RRP8: variants seen among roughly 807,000 people sequenced by gnomAD.
RRP8 encodes the protein ribosomal RNA-processing protein 8.
A neutral mutation model predicts 45.0 loss-of-function variants in RRP8; 48 were observed. The observed-to-expected ratio is 1.07, with a 90% CI of 0.85 to 1.36. The LOEUF is 1.36. Among genes scored for constraint, RRP8 ranks in the 40% most tolerant of loss-of-function variants. RRP8 has a pLI of 0.00. For missense variants in RRP8, 658 were observed against 573.7 expected (o/e 1.15, Z -1.50); for synonymous variants, 274 against 212.4 (o/e 1.29, Z -2.52).
rs1010133061 is a variant in RRP8 at position 6,595,782 on chromosome 11, C to T, written c.*4364G>A. On this transcript the variant is annotated 3_prime_UTR_variant, in exon 7 of 7. Coordinates refer to ENST00000254605, the MANE Select transcript of RRP8 (RefSeq NM_015324.4). ...GGTCAAGAGTAAGGTGGACAGGATA[C>T]CATAGAAGATATATCCAGTGTATAT... The T allele has an allele frequency of 6.6e-6, 1 of 152,136 alleles. No individual in the cohort carries two copies. The highest frequency in any genetic ancestry group is 2.4e-5 in the African/African-American group (1 of 41,400). The allele number at this position is 152,136 out of a possible 1,614,324, so 9.4% of individuals were successfully genotyped here.
rs1854485487 is a variant in RRP8 at position 6,603,142 on chromosome 11, C to CT, written c.99+261dup. Among the ~76,000 whole-genome samples, 12 of 152,344 alleles carry CT rather than the reference C, an allele frequency of 7.9e-5. No individual in the cohort carries two copies. In the South Asian group the frequency reaches 2.5e-3, roughly 32 times the overall value. On this transcript the variant is annotated intron_variant, in intron 1 of 6. Transcript: ENST00000254605. ...ACAAGGACCACTTGTGTTTGTGACTCTGACAGAACATGCTCTCTTGTCCCA... is the reference window on the plus strand; with the variant it reads ...ACAAGGACCACTTGTGTTTGTGACTCTTGACAGAACATGCTCTCTTGTCCCA...
chr11:6,596,372 T>G lies in RRP8; in HGVS notation c.*3774A>C, dbSNP rs899676380. On this transcript the variant is annotated 3_prime_UTR_variant, in exon 7 of 7. Coordinates refer to ENST00000254605, the MANE Select transcript of RRP8 (RefSeq NM_015324.4). The stretch of plus-strand genomic sequence containing the variant: ...GTTTTGTGAAAGGGGAGGAGTGGGT[T>G]AAGATGCAGATGGTGATGGTGACGG... 1 of 152,272 alleles carries G rather than the reference T, an allele frequency of 6.6e-6. No homozygotes were observed. The highest frequency in any genetic ancestry group is 1.9e-4 in the East Asian group (1 of 5,194). The allele number at this position is 152,272 out of a possible 1,614,324, so 9.4% of individuals were successfully genotyped here. A position where few individuals can be genotyped will look rare whatever the true frequency, so the allele number is the denominator to read the frequency against.
At position 6,600,649 on chromosome 11, in the gene RRP8, T is replaced by C; in HGVS notation, c.1154+20A>G. 3 of 1,607,662 alleles carry C rather than the reference T, an allele frequency of 1.9e-6. No individual in the cohort carries two copies. Among genetic ancestry groups the C allele is most frequent in the Non-Finnish European group, 2.6e-6 (3 of 1,174,022 alleles). ...GCATGCACACATACATACATGCATC[T>C]GTGTCCTGGGGGCTCTTACCCTGGC... is the stretch of plus-strand genomic sequence containing the variant. On this transcript the variant is annotated intron_variant, in intron 5 of 6. Transcript: ENST00000254605.
Position 6,597,584 on chromosome 11 carries a change from T to TTAAAAA in RRP8, c.*2561_*2562insTTTTTA, listed in dbSNP as rs1439909811. ...AGCTAACAACCTGCCCATCCTCCCA[T>TTAAAAA]AAAAAAAAAAAAAAAAAAAACACTG... is the stretch of plus-strand genomic sequence containing the variant. On this transcript the variant is annotated 3_prime_UTR_variant, in exon 7 of 7. Coordinates refer to ENST00000254605, the MANE Select transcript of RRP8 (RefSeq NM_015324.4). 1 of 120,256 alleles carries TTAAAAA rather than the reference T, an allele frequency of 8.3e-6. No homozygotes were observed. Among genetic ancestry groups the TTAAAAA allele is most frequent in the African/African-American group, 3.4e-5 (1 of 29,158 alleles). 7.4% of individuals were successfully genotyped at this position (120,256 alleles called of 1,614,324 possible).
chr11:6,599,425 A>G lies in RRP8; in HGVS notation c.*721T>C, dbSNP rs1854289750. ...TTAAGTGCCTCTGGGTAGCAGGCCA[A>G]GAATTAAATCCAGGTCTACCTGATT... On this transcript the variant is annotated 3_prime_UTR_variant, in exon 7 of 7. Transcript: ENST00000254605. 1 of 152,264 alleles carries G rather than the reference A, an allele frequency of 6.6e-6. No homozygotes were observed. The highest frequency in any genetic ancestry group is 1.5e-5 in the Non-Finnish European group (1 of 68,046). The allele number at this position is 152,264 out of a possible 1,614,324, so 9.4% of individuals were successfully genotyped here.
In RRP8 at chr11:6,597,318, G is replaced by T. The variant is rs11040930; in HGVS notation, c.*2828C>A. The T allele has an allele frequency of 6.6e-6, 1 of 151,730 alleles. No individual in the cohort carries two copies. The highest frequency in any genetic ancestry group is 1.5e-5 in the Non-Finnish European group (1 of 67,944). 9.4% of individuals were successfully genotyped at this position (151,730 alleles called of 1,614,324 possible). A position where few individuals can be genotyped will look rare whatever the true frequency, so the allele number is the denominator to read the frequency against. ...GGTATTTCTATGCACTGTGGGCCTG[G>T]AAGATATTTCCTCTCCCCTATTCTC... On this transcript the variant is annotated 3_prime_UTR_variant, in exon 7 of 7. Coordinates refer to ENST00000254605, the MANE Select transcript of RRP8 (RefSeq NM_015324.4).
rs1311164409 is a variant in RRP8, at chr11:6,601,193, C to T, written c.873G>A (p.Trp291Ter). 6.2e-7 allele frequency: 1 copy of T among 1,613,676 alleles called. No homozygotes were observed. Among genetic ancestry groups the T allele is most frequent in the Non-Finnish European group, 8.5e-7 (1 of 1,179,832 alleles). The change falls in exon 3 of 7, where the codon TGG becomes TGA. Residue 291 changes from tryptophan to a stop codon, truncating the protein, a stop_gained. Coordinates refer to ENST00000254605, the MANE Select transcript of RRP8 (RefSeq NM_015324.4). LOFTEE classifies it high-confidence loss of function. ...HRGFQSQVKK[W>*]PLQPVDRIAR... ...CGATGCGGTCCACTGGCTGCAGTGG[C>T]CACTTCTTCACTTGGCTCTGGAAGC...
rs764700545 is a variant in RRP8, at chr11:6,603,438, G to A, written c.65C>T (p.Ser22Leu). 18 of 1,605,236 alleles carry A rather than the reference G, an allele frequency of 1.1e-5. No homozygotes were observed. Among genetic ancestry groups the A allele is most frequent in the Non-Finnish European group, 1.5e-5 (18 of 1,176,904 alleles). ...PVAAGLGPVISRPPPAASSQN... is the reference protein window; with the variant it reads ...PVAAGLGPVILRPPPAASSQN... ...CGAGGAGGCCGCAGGCGGAGGTCGTGAGATTACGGGCCCAAGGCCCGCGGC... is the reference window on the plus strand; with the variant it reads ...CGAGGAGGCCGCAGGCGGAGGTCGTAAGATTACGGGCCCAAGGCCCGCGGC... The change falls in exon 1 of 7, where the codon TCA (serine) becomes TTA (leucine). Residue 22 changes from serine to leucine, a missense_variant. Transcript: ENST00000254605.
Position 6,601,051 on chromosome 11 carries a change from C to G in RRP8, c.922G>C (p.Ala308Pro), listed in dbSNP as rs1026106675. 6.2e-7 allele frequency: 1 copy of G among 1,614,112 alleles called. No individual in the cohort carries two copies. The highest frequency in any genetic ancestry group is 8.5e-7 in the Non-Finnish European group (1 of 1,180,052). Residue 308 changes from alanine to proline, a missense_variant, in exon 4 of 7, where the codon GCA (alanine) becomes CCA (proline). Physicochemically the swap from Ala to Pro is conservative, Grantham distance 27. Transcript: ENST00000254605. ...RIARDLRQRP[A>P]SLVVADFGCG... ...CCGAAGTCAGCCACCACTAGGGATGCAGGCCTGAGAGTGGAAGGCAAGGGT... is the reference window on the plus strand; with the variant it reads ...CCGAAGTCAGCCACCACTAGGGATGGAGGCCTGAGAGTGGAAGGCAAGGGT...
At position 6,603,492 on chromosome 11, in the gene RRP8, T is replaced by C; in HGVS notation, c.11A>G (p.Glu4Gly). The C allele has an allele frequency of 6.3e-7, 1 of 1,589,054 alleles. No individual in the cohort carries two copies. The highest frequency in any genetic ancestry group is 1.3e-5 in the African/African-American group (1 of 74,346). MFEEPEWAEAAPVA... is the reference protein window; with the variant it reads MFEGPEWAEAAPVA... ...TGGGGCCGCCTCGGCCCACTCAGGC[T>C]CTTCGAACATGAGGGTCGGGAGGGC... The change falls in exon 1 of 7, where the codon GAG (glutamate) becomes GGG (glycine). Residue 4 changes from glutamate (E) to glycine (G), a missense_variant. Physicochemically the swap from Glu to Gly is moderately conservative, Grantham distance 98. Transcript: ENST00000254605.
rs748718944 is a variant in RRP8, at chr11:6,601,301, A to G, written c.765T>C (p.Asn255=). The G allele has an allele frequency of 6.2e-7, 1 of 1,613,570 alleles. No individual in the cohort carries two copies. The highest frequency in any genetic ancestry group is 8.5e-7 in the Non-Finnish European group (1 of 1,179,790). The change falls in exon 3 of 7, where the codon AAT becomes AAC. Residue 255 remains asparagine, a synonymous_variant. Transcript: ENST00000254605. ...RLDGARFRYL[N]EQLYSGPSSA... The stretch of plus-strand genomic sequence containing the variant: ...TGCTGGGCCCTGAGTACAACTGTTC[A>G]TTGAGGTAGCGAAATCGGGCCCCAT...
chr11:6,600,194 A>G lies in RRP8; in HGVS notation c.1323T>C (p.Ala441=). ...KTGPPLVGPK[A]QLSGLQLQPC... is the part of the protein sequence containing the mutation. ...GCTGAAGCTGCAGGCCTGAAAGCTG[A>G]GCCTTGGGCCCTACCAGAGGGGGCC... Residue 441 remains alanine, a synonymous_variant, in exon 7 of 7, where the codon GCT becomes GCC. Coordinates refer to ENST00000254605, the MANE Select transcript of RRP8 (RefSeq NM_015324.4). The G allele has an allele frequency of 6.2e-7, 1 of 1,605,198 alleles. No homozygotes were observed. The highest frequency in any genetic ancestry group is 8.5e-7 in the Non-Finnish European group (1 of 1,177,160).
rs1854354189 is a variant in RRP8 at position 6,601,346 on chromosome 11, G to A, written c.720C>T (p.Ala240=). ...CCCCATCCAGCCGCTGTGCCATGCG[G>A]GCTCGCAAAGCCCCTGCCCGAGCCT... ...SHEARAGALR[A]RMAQRLDGAR... Residue 240 remains alanine, a synonymous_variant, in exon 3 of 7, where the codon GCC becomes GCT. Coordinates refer to ENST00000254605, the MANE Select transcript of RRP8 (RefSeq NM_015324.4). The A allele has an allele frequency of 6.2e-7, 1 of 1,613,948 alleles. No homozygotes were observed. The highest frequency in any genetic ancestry group is 1.1e-5 in the South Asian group (1 of 91,070).
rs1428489103 is a variant in RRP8 at position 6,599,325 on chromosome 11, C to T, written c.*821G>A. 3 of 152,256 alleles carry T rather than the reference C, an allele frequency of 2.0e-5. No homozygotes were observed. Among genetic ancestry groups the T allele is most frequent in the South Asian group, 2.1e-4 (1 of 4,830 alleles). The allele number at this position is 152,256 out of a possible 1,614,324, so 9.4% of individuals were successfully genotyped here. The stretch of plus-strand genomic sequence containing the variant: ...TGGCTACAGATTTCTCCAGTTAACC[C>T]ACACAACCACCCTGCAAGACAAAAA... On this transcript the variant is annotated 3_prime_UTR_variant, in exon 7 of 7. Coordinates refer to ENST00000254605, the MANE Select transcript of RRP8 (RefSeq NM_015324.4).
chr11:6,600,181 G>A lies in RRP8; in HGVS notation c.1336C>T (p.Leu446=). The A allele has an allele frequency of 6.2e-7, 1 of 1,603,288 alleles. No individual in the cohort carries two copies. Among genetic ancestry groups the A allele is most frequent in the Non-Finnish European group, 8.5e-7 (1 of 1,176,576 alleles). Reference sequence around the variant, plus strand: ...TTGTAGAGACATGGCTGAAGCTGCAGGCCTGAAAGCTGAGCCTTGGGCCCT... The same window carrying A: ...TTGTAGAGACATGGCTGAAGCTGCAAGCCTGAAAGCTGAGCCTTGGGCCCT... ...LVGPKAQLSG[L]QLQPCLYKRR is the part of the protein sequence containing the mutation. Residue 446 remains leucine (L), a synonymous_variant, in exon 7 of 7, where the codon CTG becomes TTG. Coordinates refer to ENST00000254605, the MANE Select transcript of RRP8 (RefSeq NM_015324.4).
rs867248681 is a variant in RRP8, at chr11:6,596,419, G to T, written c.*3727C>A. 8 of 152,360 alleles carry T rather than the reference G, an allele frequency of 5.3e-5. No individual in the cohort carries two copies. Among genetic ancestry groups the T allele is most frequent in the African/African-American group, 1.9e-4 (8 of 41,442 alleles). 9.4% of individuals were successfully genotyped at this position (152,360 alleles called of 1,614,324 possible). On this transcript the variant is annotated 3_prime_UTR_variant, in exon 7 of 7. Transcript: ENST00000254605. ...ACGGAGGCCTGGGCAAGATCACACGGGGCCTGAAAAGTTTGTCTTTTGTTC... is the reference window on the plus strand; with the variant it reads ...ACGGAGGCCTGGGCAAGATCACACGTGGCCTGAAAAGTTTGTCTTTTGTTC...
Position 6,601,295 on chromosome 11 carries a change from C to T in RRP8, c.771G>A (p.Gln257=), listed in dbSNP as rs1589915442. Residue 257 remains glutamine (Q), a synonymous_variant, in exon 3 of 7, where the codon CAG becomes CAA. Coordinates refer to ENST00000254605, the MANE Select transcript of RRP8 (RefSeq NM_015324.4). ...DGARFRYLNE[Q]LYSGPSSAAQ... is the part of the protein sequence containing the mutation. ...CAGCACTGCTGGGCCCTGAGTACAA[C>T]TGTTCATTGAGGTAGCGAAATCGGG... 6.2e-7 allele frequency: 1 copy of T among 1,613,458 alleles called. No homozygotes were observed.
rs1854266814 is a variant in RRP8 at position 6,598,277 on chromosome 11, CT to C, written c.*1868del. On this transcript the variant is annotated 3_prime_UTR_variant, in exon 7 of 7. Coordinates refer to ENST00000254605, the MANE Select transcript of RRP8 (RefSeq NM_015324.4). ...ATGAAGTTCTCCTGTCTGCCTACTTCTTCCATCATGACTAGTCAACAGTGCC... is the reference window on the plus strand; with the variant it reads ...ATGAAGTTCTCCTGTCTGCCTACTTCTCCATCATGACTAGTCAACAGTGCC... 1 of 152,306 alleles carries C rather than the reference CT, an allele frequency of 6.6e-6. No individual in the cohort carries two copies. Among genetic ancestry groups the C allele is most frequent in the African/African-American group, 2.4e-5 (1 of 41,456 alleles). 9.4% of individuals were successfully genotyped at this position (152,306 alleles called of 1,614,324 possible).
In RRP8 at chr11:6,601,541, A is replaced by G. The variant is rs1204813943; in HGVS notation, c.525T>C (p.Thr175=). The change falls in exon 3 of 7, where the codon ACT becomes ACC. Residue 175 remains threonine (T), a synonymous_variant. Transcript: ENST00000254605. ...NDPPKQSPGS[T]SPKPPHTLSR... ...TTAATGTATGAGGGGGTTTAGGGGA[A>G]GTGGACCCAGGGCTTTGCTTTGGTG... The G allele has an allele frequency of 3.7e-6, 6 of 1,608,390 alleles. No homozygotes were observed. The highest frequency in any genetic ancestry group is 1.3e-5 in the African/African-American group (1 of 75,002).
Sources: allele counts gnomAD v4.1 joint callset (sites outside exome capture counted in the v4.1 genomes callset), GRCh38; gene constraint gnomAD v4.1.1; transcripts MANE v1.5; gene names NCBI Gene and HGNC (gene_info 2026-07-23, HGNC 2026-07-21).